ARHGAP6: variants seen among roughly 807,000 people sequenced by gnomAD.
The protein encoded by ARHGAP6 is rho GTPase-activating protein 6.
A neutral mutation model predicts 55.7 loss-of-function variants in ARHGAP6; 16 were observed. The ratio of observed to expected loss-of-function variants is 0.29; its 90% confidence interval spans 0.19 to 0.44. The LOEUF (loss-of-function observed/expected upper bound fraction) is 0.44, where lower values mean the gene tolerates loss of function less well. ARHGAP6 is among the 20% of genes least tolerant of loss of function. ARHGAP6 has a pLI of 1.00. For missense variants in ARHGAP6, 698 were observed against 808.9 expected (o/e 0.86, Z 1.66); for synonymous variants, 382 against 360.9 (o/e 1.06, Z -0.66).
chrX:11,592,816 G>C (rs755822616), intron 1 of ARHGAP6, among the ~76,000 whole-genome samples: 44 of 111,422 alleles, frequency 3.9e-4, no homozygotes, highest in Non-Finnish European at 6.4e-4. Flanking sequence ...TAGCTCAGAG[G>C]AACCTGTTGG....
intron 1 of ARHGAP6, among the ~76,000 whole-genome samples, chrX:11,401,473 C>A (rs1729596678): frequency 9.0e-6 from 1 of 111,538 alleles, no homozygotes; most frequent in Admixed American, 9.5e-5. Flanking sequence ...TGTTCTGTGC[C>A]CTGTAGGATA....
At chrX:11,453,162 G>A (rs1464148089) in intron 1 of ARHGAP6, among the ~76,000 whole-genome samples, 1 of 100,354 alleles carries the variant, frequency 1.0e-5, no homozygotes, top group Non-Finnish European at 2.0e-5. Flanking sequence ...TTTATTTTCT[G>A]CAGTTTTATG....
At chrX:11,297,958 C>A in intron 1 of ARHGAP6, 1 of 607,454 alleles carries the variant, frequency 1.6e-6, no homozygotes, top group Non-Finnish European at 2.8e-6. Flanking sequence ...TTTAACTCCC[C>A]ATAACCTTAT....
intron 1 of ARHGAP6, among the ~76,000 whole-genome samples, chrX:11,397,834 A>G (rs1214516891): frequency 8.9e-6 from 1 of 111,904 alleles, no homozygotes; most frequent in East Asian, 2.8e-4. Context: ...CAGTGAGCCA[A>G]GGTCACACCA....
At chrX:11,395,594 C>G (rs1392403134) in intron 1 of ARHGAP6, among the ~76,000 whole-genome samples, 1 of 112,127 alleles carries the variant, frequency 8.9e-6, no homozygotes, top group Admixed American at 9.5e-5. Flanking sequence ...CAAGCTGGCT[C>G]CAGCATACTG....
chrX:11,232,636 A>G (rs749697418), intron 2 of ARHGAP6, among the ~76,000 whole-genome samples: 1 of 111,742 alleles, frequency 8.9e-6, no homozygotes, highest in African/African-American at 3.2e-5. Flanking sequence ...CCATCTCAAA[A>G]AGGAACAAAA....
At chrX:11,503,901 C>A (rs1287099813) in intron 1 of ARHGAP6, among the ~76,000 whole-genome samples, 2 of 111,612 alleles carry the variant, frequency 1.8e-5, no homozygotes, top group African/African-American at 6.5e-5. Flanking sequence ...CATGCACACA[C>A]ACATCTGTGT....
At chrX:11,470,060 G>GT (rs1379321848) in intron 1 of ARHGAP6, among the ~76,000 whole-genome samples, 1 of 111,837 alleles carries the variant, frequency 8.9e-6, no homozygotes, top group Admixed American at 9.5e-5. Context: ...TGTGTATGTT[G>GT]TAAGTTGTAG....
At chrX:11,557,639 C>T (rs1470162705) in intron 1 of ARHGAP6, among the ~76,000 whole-genome samples, 2 of 111,892 alleles carry the variant, frequency 1.8e-5, no homozygotes, top group East Asian at 2.8e-4. Context: ...ATGGGTCTTG[C>T]GATTCATCCC....
chrX:11,538,184 C>T (rs2051122769), intron 1 of ARHGAP6, among the ~76,000 whole-genome samples: 1 of 111,924 alleles, frequency 8.9e-6, no homozygotes, highest in Admixed American at 9.5e-5. Flanking sequence ...ATCATGATAA[C>T]AGCAACTTTT....
intron 9 of ARHGAP6, among the ~76,000 whole-genome samples, chrX:11,159,026 A>G (rs2045904056): frequency 1.8e-5 from 2 of 112,355 alleles, no homozygotes; most frequent in African/African-American, 6.5e-5. Flanking sequence ...CTGACATTTT[A>G]GCAGAAAACT....
intron 1 of ARHGAP6, among the ~76,000 whole-genome samples, chrX:11,293,887 G>C (rs957899664): frequency 6.2e-5 from 7 of 112,115 alleles, no homozygotes; most frequent in African/African-American, 1.9e-4. Context: ...GAAAACTTTA[G>C]TGTACTTTTC....
intron 1 of ARHGAP6, chrX:11,294,964 T>G: frequency 1.2e-6 from 1 of 800,110 alleles, no homozygotes; most frequent in Non-Finnish European, 1.9e-6. Flanking sequence ...TTCATATGTC[T>G]CTGGGTTGAA....
Position 11,489,632 on chromosome X carries a change from GCCAACC to G in ARHGAP6, c.588+174603_588+174608del, listed in dbSNP as rs200763975. Among the ~76,000 whole-genome samples, 381 of 112,002 alleles carry G rather than the reference GCCAACC, an allele frequency of 3.4e-3. 5 individuals carry two copies. Among genetic ancestry groups the G allele is most frequent in the Admixed American group, 0.033 (342 of 10,520 alleles). On this transcript the variant is annotated intron_variant, in intron 1 of 12. Transcript: ENST00000337414. ...AAATTTGGCTCACAGGTCATAATTT[GCCAACC>G]CCTGGTTTAGGGAAGTCCAAGATAT...
chrX:11,526,191 C>G (rs2147883706), intron 1 of ARHGAP6, among the ~76,000 whole-genome samples: 1 of 111,355 alleles, frequency 9.0e-6, no homozygotes, highest in East Asian at 2.8e-4. Context: ...GAGCTGGTGA[C>G]TACTGTGGGC....
chrX:11,215,525 G>T (rs1189297108), intron 2 of ARHGAP6, among the ~76,000 whole-genome samples: 1 of 112,989 alleles, frequency 8.9e-6, no homozygotes, highest in Non-Finnish European at 1.9e-5. Context: ...CCAGCCCCAC[G>T]CTTCTTGAAC....
At chrX:11,363,972 A>T (rs921096779) in intron 1 of ARHGAP6, among the ~76,000 whole-genome samples, 4 of 112,174 alleles carry the variant, frequency 3.6e-5, no homozygotes, top group African/African-American at 1.3e-4. Flanking sequence ...TCAACAGTAG[A>T]CTGGATAAAG....
intron 1 of ARHGAP6, among the ~76,000 whole-genome samples, chrX:11,328,464 G>A (rs1315740816): frequency 2.7e-5 from 3 of 112,126 alleles, no homozygotes; most frequent in African/African-American, 9.7e-5. Context: ...CACTCTACTA[G>A]GATTTTTGTG....
At chrX:11,456,832 C>A (rs1033250657) in intron 1 of ARHGAP6, among the ~76,000 whole-genome samples, 2 of 112,166 alleles carry the variant, frequency 1.8e-5, no homozygotes, top group African/African-American at 6.5e-5. Context: ...GAAAACGTGT[C>A]TTGCCTTGAA....
Sources: gnomAD v4.1 joint callset for allele counts (sites outside exome capture counted in the v4.1 genomes callset) on GRCh38, gnomAD v4.1.1 for gene constraint, MANE v1.5 for transcripts, NCBI Gene and HGNC (gene_info 2026-07-23, HGNC 2026-07-21) for gene names.